The following UNKL variants were observed in gnomAD, a reference collection of about 807,000 sequenced individuals.
UNKL encodes the protein unk like zinc finger, also known as putative E3 ubiquitin-protein ligase UNKL.
A neutral mutation model predicts 78.0 loss-of-function variants in UNKL; 60 were observed. The observed-to-expected ratio is 0.77, with a 90% CI of 0.63 to 0.95. UNKL has a LOEUF of 0.95. UNKL is among the 40% of genes least tolerant of loss of function. The pLI is 0.00. For synonymous variants in UNKL, 608 were observed against 474.8 expected (o/e 1.28, Z -3.65); for missense variants, 1,159 against 1,045.7 (o/e 1.11, Z -1.49).
In UNKL at chr16:1,403,030, A is replaced by G; in HGVS notation, c.464+138T>C. 1 of 1,143,902 alleles carries G rather than the reference A, an allele frequency of 8.7e-7. No individual in the cohort carries two copies. Among genetic ancestry groups the G allele is most frequent in the Non-Finnish European group, 1.2e-6 (1 of 835,222 alleles). 70.9% of individuals were successfully genotyped at this position (1,143,902 alleles called of 1,614,324 possible). ...AAAGGACTAACATCCAGACTCAGAAAGAAATTCTGGAGGAGAGAGATTTGG... is the reference window on the plus strand; with the variant it reads ...AAAGGACTAACATCCAGACTCAGAAGGAAATTCTGGAGGAGAGAGATTTGG... On this transcript the variant is annotated intron_variant, in intron 3 of 14. Transcript: ENST00000389221. The surrounding 1 kb of genome is among the most constrained non-coding windows in gnomAD (Gnocchi z 4.8).
intron 2 of UNKL, among the ~76,000 whole-genome samples, chr16:1,413,036 C>T (rs1390555973): frequency 6.6e-6 from 1 of 151,370 alleles, no homozygotes; most frequent in African/African-American, 2.4e-5. Flanking sequence ...TTGCTTGAGC[C>T]CAGAAGTTCA....
intron 5 of UNKL, chr16:1,398,891 G>A: frequency 6.4e-7 from 1 of 1,573,328 alleles, no homozygotes. Flanking sequence ...GGCGACCCTT[G>A]GGTTGTTGGC....
chr16:1,394,094 C>A, intron 7 of UNKL, 37 bp downstream of exon 7: 1 of 1,545,314 alleles, frequency 6.5e-7, no homozygotes. Flanking sequence ...GCCGCGGAAC[C>A]TGCTAAGGTG....
At position 1,363,414 on chromosome 16, in the gene UNKL, T is replaced by C. The variant is rs2034989527; in HGVS notation, c.*2826A>G. On this transcript the variant is annotated 3_prime_UTR_variant, in exon 15 of 15. Coordinates refer to ENST00000389221, the MANE Select transcript of UNKL (RefSeq NM_001372107.1). ...TCATGTAAATACTCAAACATACAGA[T>C]TGAGGCTTCCAGAAATTAATCCACT... is the stretch of plus-strand genomic sequence containing the variant. The C allele has an allele frequency of 8.1e-6, 3 of 369,756 alleles. No individual in the cohort carries two copies. The highest frequency in any genetic ancestry group is 6.7e-5 in the South Asian group (3 of 44,802). The allele number at this position is 369,756 out of a possible 1,614,324, so 22.9% of individuals were successfully genotyped here. A position where few individuals can be genotyped will look rare whatever the true frequency, so the allele number is the denominator to read the frequency against.
chr16:1,414,534 C>T, intron 1 of UNKL, 81 bp downstream of exon 1: 1 of 415,064 alleles, frequency 2.4e-6, no homozygotes, highest in Non-Finnish European at 3.3e-6. Context: ...GCGGGGGCGG[C>T]GGAGGCGGCG....
intron 6 of UNKL, chr16:1,394,420 C>T (rs1390023817): frequency 2.8e-6 from 2 of 703,444 alleles, no homozygotes; most frequent in Non-Finnish European, 5.2e-6. Context: ...ACAGGGAACA[C>T]GCACACATGT....
chr16:1,382,613 G>A (rs1243253924), intron 10 of UNKL, among the ~76,000 whole-genome samples: 2 of 152,176 alleles, frequency 1.3e-5, no homozygotes, highest in Admixed American at 6.6e-5. Flanking sequence ...GGGCTGCGAG[G>A]GGGAGATGCA....
chr16:1,366,127 T>A lies in UNKL; in HGVS notation c.*113A>T. On this transcript the variant is annotated 3_prime_UTR_variant, in exon 15 of 15. Transcript: ENST00000389221. Reference sequence around the variant, plus strand: ...CATGATAACGTGTAACAGGAAGGGCTCCCAGCCTCGGTCCTCACGTCGGTG... The same window carrying A: ...CATGATAACGTGTAACAGGAAGGGCACCCAGCCTCGGTCCTCACGTCGGTG... 1 of 1,278,238 alleles carries A rather than the reference T, an allele frequency of 7.8e-7. No individual in the cohort carries two copies. 79.2% of individuals were successfully genotyped at this position (1,278,238 alleles called of 1,614,324 possible).
intron 2 of UNKL, 100 bp downstream of exon 2, chr16:1,413,746 G>C (rs1221317490): frequency 3.1e-6 from 4 of 1,301,306 alleles, no homozygotes; most frequent in South Asian, 1.5e-5. Context: ...GCAGGGGCCA[G>C]GTATGGACAC....
chr16:1,364,035 A>G lies in UNKL; in HGVS notation c.*2205T>C, dbSNP rs2035041075. ...ACCGGGAGATGTCTCGGCAGACACC[A>G]CTTATCCCAGAAAAGACCAGAGGCT... On this transcript the variant is annotated 3_prime_UTR_variant, in exon 15 of 15. Transcript: ENST00000389221. 1 of 152,244 alleles carries G rather than the reference A, an allele frequency of 6.6e-6. No individual in the cohort carries two copies. The highest frequency in any genetic ancestry group is 2.4e-5 in the African/African-American group (1 of 41,462). The allele number at this position is 152,244 out of a possible 1,614,324, so 9.4% of individuals were successfully genotyped here.
At chr16:1,379,719 G>T (rs530936344) in intron 10 of UNKL, 1 of 841,576 alleles carries the variant, frequency 1.2e-6, no homozygotes, top group African/African-American at 2.0e-5. Flanking sequence ...CGCTGGCCCC[G>T]CCCCGCAACG....
rs192672748 is a variant in UNKL, at chr16:1,381,545, G to A, written c.1264+3663C>T. ...TGAGGAGGGAGAATCGCTTGAACCCGGAAGGCAGAGGTGGCAGTGAGGCAA... is the reference window on the plus strand; with the variant it reads ...TGAGGAGGGAGAATCGCTTGAACCCAGAAGGCAGAGGTGGCAGTGAGGCAA... On this transcript the variant is annotated intron_variant, in intron 10 of 14. Coordinates refer to ENST00000389221, the MANE Select transcript of UNKL (RefSeq NM_001372107.1). 2.5e-3 allele frequency among the ~76,000 whole-genome samples: 378 copies of A among 152,286 alleles called. 3 individuals are homozygous for A. Among genetic ancestry groups the A allele is most frequent in the African/African-American group, 8.5e-3 (354 of 41,548 alleles).
At chr16:1,400,151 T>G (rs1435412871) in intron 4 of UNKL, among the ~76,000 whole-genome samples, 1 of 152,118 alleles carries the variant, frequency 6.6e-6, no homozygotes, top group Admixed American at 6.6e-5. Context: ...CCGGACGTGG[T>G]GGCTCACGCC....
At chr16:1,406,864 A>G (rs113942520) in intron 2 of UNKL, among the ~76,000 whole-genome samples, 6,264 of 152,142 alleles carry the variant, frequency 0.041, 394 homozygotes, top group African/African-American at 0.14. Context: ...CTGGCCGGGC[A>G]CAGTGGCTCA....
rs1017262061 is a variant in UNKL at position 1,365,838 on chromosome 16, A to G, written c.*402T>C. 1 of 165,386 alleles carries G rather than the reference A, an allele frequency of 6.0e-6. No homozygotes were observed. The highest frequency in any genetic ancestry group is 1.3e-5 in the Non-Finnish European group (1 of 77,022). 10.2% of individuals were successfully genotyped at this position (165,386 alleles called of 1,614,324 possible). A position where few individuals can be genotyped will look rare whatever the true frequency, so the allele number is the denominator to read the frequency against. ...TTAGAGCAATTTATAACCTCTAACT[A>G]AATTCCTCGGTTTACAAAGTGCTTT... On this transcript the variant is annotated 3_prime_UTR_variant, in exon 15 of 15. Transcript: ENST00000389221.
At chr16:1,394,369 G>A (rs1266160308) in intron 6 of UNKL, 154 bp from the exon 7 acceptor site, 3 of 886,276 alleles carry the variant, frequency 3.4e-6, no homozygotes, top group African/African-American at 3.3e-5. Context: ...CTCCACGTGT[G>A]CCCTTGGTCC....
intron 11 of UNKL, 105 bp from the exon 12 acceptor site, chr16:1,370,462 T>A: frequency 4.9e-6 from 6 of 1,214,788 alleles, no homozygotes; most frequent in Admixed American, 3.0e-5. Flanking sequence ...GTGGTGGTGG[T>A]GGGGATATGG....
At chr16:1,404,814 C>T (rs1033230189) in intron 2 of UNKL, among the ~76,000 whole-genome samples, 18 of 152,058 alleles carry the variant, frequency 1.2e-4, no homozygotes, top group African/African-American at 1.9e-4. Context: ...CGCAGGCTTC[C>T]GTCCACAAGA....
At chr16:1,379,383 G>T in intron 10 of UNKL, 2 of 754,252 alleles carry the variant, frequency 2.7e-6, no homozygotes, top group Non-Finnish European at 3.2e-6. Context: ...GCTAGGGGAC[G>T]CAGGCGGCCC....
Sources: gnomAD v4.1 joint callset for allele counts (sites outside exome capture counted in the v4.1 genomes callset) on GRCh38, gnomAD v4.1.1 for gene constraint, Gnocchi (gnomAD v3.1) non-coding constraint, MANE v1.5 for transcripts, NCBI Gene and HGNC (gene_info 2026-07-23, HGNC 2026-07-21) for gene names.